The following GRK7 variants were observed in gnomAD, a reference collection of about 807,000 sequenced individuals.
GRK7 encodes rhodopsin kinase GRK7.
Under a neutral mutation model 34.1 loss-of-function variants are expected in GRK7, and 24 were observed. The observed-to-expected ratio is 0.70, with a 90% CI of 0.51 to 0.99. The LOEUF (loss-of-function observed/expected upper bound fraction) is 0.99, where lower values mean the gene tolerates loss of function less well. GRK7 is among the 50% of genes least tolerant of loss of function. The probability of loss-of-function intolerance (pLI) is 0.00; values close to 1 mark genes in which losing one functional copy is unlikely to be tolerated. For synonymous variants in GRK7, 256 were observed against 279.4 expected, an observed-to-expected ratio of 0.92 and a Z score of 0.84; for missense variants, 644 against 707.3, an observed-to-expected ratio of 0.91 and a Z score of 1.02.
intron 4 of GRK7, among the ~76,000 whole-genome samples, chr3:141,787,557 GA>G (rs1169402952): frequency 6.7e-6 from 1 of 149,414 alleles, no homozygotes; most frequent in African/African-American, 2.5e-5. Context: ...CTGGGAGGCA[GA>G]AGGTTGCAGT....
intron 2 of GRK7, among the ~76,000 whole-genome samples, chr3:141,777,904 C>G (rs1030361543): frequency 6.6e-6 from 1 of 152,182 alleles, no homozygotes; most frequent in African/African-American, 2.4e-5. Context: ...TAAACTACTG[C>G]ATCAGCAACA....
intron 5 of GRK7, among the ~76,000 whole-genome samples, chr3:141,811,706 G>C (rs1711094170): frequency 6.6e-6 from 1 of 152,048 alleles, no homozygotes. Flanking sequence ...GATCACGTTG[G>C]ATTAATGTAG....
chr3:141,798,679 A>C (rs1710918342), intron 4 of GRK7, among the ~76,000 whole-genome samples: 1 of 152,008 alleles, frequency 6.6e-6, no homozygotes, highest in Non-Finnish European at 1.5e-5. Flanking sequence ...CTCTCCTCCC[A>C]CCCTACTCTG....
At chr3:141,810,678 A>T in intron 5 of GRK7, among the ~76,000 whole-genome samples, 1 of 151,790 alleles carries the variant, frequency 6.6e-6, no homozygotes, top group East Asian at 1.9e-4. Context: ...CACCACACCC[A>T]GCTACTTTTT....
chr3:141,803,280 A>T (rs1375846634), intron 4 of GRK7, among the ~76,000 whole-genome samples: 1 of 151,634 alleles, frequency 6.6e-6, no homozygotes. Flanking sequence ...AAAAAAAAAA[A>T]AAAAAGCCAG....
At chr3:141,751,730 A>G in the GRK7 span, among the ~76,000 whole-genome samples, 1 of 152,228 alleles carries the variant, frequency 6.6e-6, no homozygotes. Context: ...GCTATGTAAA[A>G]TTTAATTAAT....
intron 4 of GRK7, among the ~76,000 whole-genome samples, chr3:141,781,307 C>T (rs373237160): frequency 2.0e-5 from 3 of 151,884 alleles, no homozygotes. Context: ...GAGGCCGAGG[C>T]GGGTGGATCT....
chr3:141,808,838 A>G (rs1711063075), intron 5 of GRK7, among the ~76,000 whole-genome samples: 1 of 152,198 alleles, frequency 6.6e-6, no homozygotes, highest in South Asian at 2.1e-4. Context: ...GATTGGTTGC[A>G]TAACAACGTA....
chr3:141,760,568 G>T (rs2084551046), upstream of GRK7, among the ~76,000 whole-genome samples: 1 of 146,364 alleles, frequency 6.8e-6, no homozygotes, highest in South Asian at 2.3e-4. Flanking sequence ...GTGTGGTGTG[G>T]TGCTGAAAAA....
At chr3:141,762,986 C>T (rs1477914330), upstream of GRK7, among the ~76,000 whole-genome samples, 6 of 152,220 alleles carry the variant, frequency 3.9e-5, no homozygotes, top group South Asian at 4.1e-4. Flanking sequence ...TGCTTCGGCT[C>T]GCGCCCGGTG....
At chr3:141,805,075 C>G (rs1249490816) in intron 4 of GRK7, among the ~76,000 whole-genome samples, 1 of 151,110 alleles carries the variant, frequency 6.6e-6, no homozygotes, top group Non-Finnish European at 1.5e-5. Context: ...CACACACACA[C>G]ACGCACATAC....
chr3:141,816,255 T>C (rs1711152224), intron 5 of GRK7, among the ~76,000 whole-genome samples: 1 of 152,176 alleles, frequency 6.6e-6, no homozygotes, highest in African/African-American at 2.4e-5. Flanking sequence ...AAGTGGGGCT[T>C]GTAGAAATCA....
chr3:141,782,821 A>T (rs2107879916), intron 4 of GRK7, among the ~76,000 whole-genome samples: 1 of 152,266 alleles, frequency 6.6e-6, no homozygotes, highest in African/African-American at 2.4e-5. Flanking sequence ...AGAAAAAAAA[A>T]AAAAGAAGTA....
intron 4 of GRK7, among the ~76,000 whole-genome samples, chr3:141,805,946 A>G (rs1711031820): frequency 6.6e-6 from 1 of 152,118 alleles, no homozygotes; most frequent in Non-Finnish European, 1.5e-5. Context: ...ACAGGCACAC[A>G]CCACTGCATC....
chr3:141,792,314 G>A (rs1389276857), intron 4 of GRK7, among the ~76,000 whole-genome samples: 2 of 150,764 alleles, frequency 1.3e-5, no homozygotes, highest in African/African-American at 2.5e-5. Flanking sequence ...TGAGGCAGGG[G>A]AATTGCTTGA....
At chr3:141,780,964 G>A (rs115890999) in intron 4 of GRK7, among the ~76,000 whole-genome samples, 153 bp downstream of exon 4, 4,296 of 152,284 alleles carry the variant, frequency 0.028, 94 homozygotes, top group Non-Finnish European at 0.042. Flanking sequence ...CTTAAGATGA[G>A]TGGTGTAAGA....
At chr3:141,784,709 T>TA (rs1480217083) in intron 4 of GRK7, among the ~76,000 whole-genome samples, 7 of 152,224 alleles carry the variant, frequency 4.6e-5, no homozygotes, top group African/African-American at 1.7e-4. Context: ...GATACTGTGT[T>TA]AGAGAATTAC....
chr3:141,797,632 G>A (rs1176475406), intron 4 of GRK7, among the ~76,000 whole-genome samples: 1 of 152,142 alleles, frequency 6.6e-6, no homozygotes, highest in Non-Finnish European at 1.5e-5. Flanking sequence ...GATCTGGTTT[G>A]TGATGAGCTG....
chr3:141,780,591 A>C lies in GRK7; in HGVS notation c.830A>C (p.Lys277Thr), dbSNP rs766214177. 6.2e-7 allele frequency: 1 copy of C among 1,614,238 alleles called. No individual in the cohort carries two copies. Among genetic ancestry groups the C allele is most frequent in the Non-Finnish European group, 8.5e-7 (1 of 1,180,034 alleles). ...AGCCTGATGAATGGGGGAGACCTCA[A>C]GTTCCACATCTACAACGTGGGCACG... Reference protein sequence around the residue: ...VMSLMNGGDLKFHIYNVGTRG... With the variant: ...VMSLMNGGDLTFHIYNVGTRG... The change falls in exon 4 of 6, where the codon AAG becomes ACG. Residue 277 changes from lysine (K) to threonine (T), a missense_variant. Physicochemically the swap from Lys to Thr is moderately conservative, Grantham distance 78. Coordinates refer to ENST00000682958, the MANE Select transcript of GRK7 (RefSeq NM_139209.3).
Sources: gnomAD v4.1 joint callset for allele counts (sites outside exome capture counted in the v4.1 genomes callset) on GRCh38, gnomAD v4.1.1 for gene constraint, MANE v1.5 for transcripts, NCBI Gene and HGNC (gene_info 2026-07-23, HGNC 2026-07-21) for gene names.